STXBP5L: variants seen among roughly 807,000 people sequenced by gnomAD.
STXBP5L encodes the protein syntaxin binding protein 5L.
In STXBP5L, 65 loss-of-function variants were observed where a neutral mutation model predicts 144.5. The observed-to-expected ratio is 0.45, with a 90% confidence interval of 0.37 to 0.55. The LOEUF (loss-of-function observed/expected upper bound fraction) is 0.55. STXBP5L is among the 20% of genes least tolerant of loss of function. STXBP5L has a pLI of 0.00. For synonymous variants in STXBP5L, 505 were observed against 469.6 expected (o/e 1.08, Z -0.97); for missense variants, 1,298 against 1,405.5 (o/e 0.92, Z 1.22).
intron 20 of STXBP5L, among the ~76,000 whole-genome samples, chr3:121,365,261 G>T (rs942278551): frequency 1.3e-5 from 2 of 151,772 alleles, no homozygotes; most frequent in South Asian, 2.1e-4. Context: ...TGGTAACAGG[G>T]TAATGCTGGC....
At chr3:121,351,269 C>A (rs2045269876) in intron 20 of STXBP5L, among the ~76,000 whole-genome samples, 2 of 152,122 alleles carry the variant, frequency 1.3e-5, no homozygotes, top group Admixed American at 1.3e-4. Flanking sequence ...GGCTGCAGAA[C>A]AGCGGATATT....
In STXBP5L at chr3:121,149,776, A is replaced by G. The variant is rs2045863916; in HGVS notation, c.670-2701A>G. 2.0e-5 allele frequency among the ~76,000 whole-genome samples: 3 copies of G among 152,096 alleles called. No homozygotes were observed. The South Asian group carries it at 6.2e-4, about 31-fold the overall frequency. ...TGTGGAAAACTTTCAAACTTCCTAA[A>G]AGATATAAACATATACTCGAATAAA... On this transcript the variant is annotated intron_variant, in intron 7 of 26. Coordinates refer to ENST00000471454, the MANE Select transcript of STXBP5L (RefSeq NM_001308330.2).
chr3:120,992,091 T>G (rs547556751), intron 3 of STXBP5L, among the ~76,000 whole-genome samples: 41 of 152,304 alleles, frequency 2.7e-4, no homozygotes, highest in Non-Finnish European at 3.4e-4. Flanking sequence ...AGAGAACATT[T>G]TTTTGGATCA....
chr3:120,968,905 T>A (rs1489194422), intron 3 of STXBP5L, among the ~76,000 whole-genome samples: 2 of 152,128 alleles, frequency 1.3e-5, no homozygotes, highest in African/African-American at 4.8e-5. Context: ...CTGAGTAGCA[T>A]TTGTATATAT....
chr3:121,080,768 G>C (rs1182207288), intron 5 of STXBP5L, among the ~76,000 whole-genome samples: 1 of 152,158 alleles, frequency 6.6e-6, no homozygotes, highest in African/African-American at 2.4e-5. Flanking sequence ...CAGCTCTTAA[G>C]ATTCTTTTCT....
chr3:121,163,202 A>G (rs1471733714), intron 9 of STXBP5L, among the ~76,000 whole-genome samples: 1 of 152,234 alleles, frequency 6.6e-6, no homozygotes, highest in African/African-American at 2.4e-5. Context: ...CTGGATAAAG[A>G]AAATGTGGCA....
intron 19 of STXBP5L, among the ~76,000 whole-genome samples, chr3:121,308,915 A>T (rs1459709594): frequency 6.6e-6 from 1 of 152,178 alleles, no homozygotes; most frequent in Non-Finnish European, 1.5e-5. Context: ...ACTGGAATTA[A>T]GTCAGTATAC....
At chr3:121,097,606 G>A (rs538650077) in intron 5 of STXBP5L, among the ~76,000 whole-genome samples, 1 of 152,250 alleles carries the variant, frequency 6.6e-6, no homozygotes, top group African/African-American at 2.4e-5. Flanking sequence ...GTGAGGCGAT[G>A]CCCCACCCTG....
chr3:121,365,060 A>C (rs2045825454), intron 20 of STXBP5L, among the ~76,000 whole-genome samples: 1 of 151,888 alleles, frequency 6.6e-6, no homozygotes, highest in Admixed American at 6.6e-5. Context: ...AATATATTGC[A>C]ATGATTAATT....
At chr3:120,988,539 G>C (rs547715168) in intron 3 of STXBP5L, among the ~76,000 whole-genome samples, 1 of 151,908 alleles carries the variant, frequency 6.6e-6, no homozygotes, top group Non-Finnish European at 1.5e-5. Context: ...GGTTTGTCTT[G>C]GGAATACTCT....
chr3:120,914,896 C>T (rs1299764061), intron 2 of STXBP5L, among the ~76,000 whole-genome samples: 1 of 151,982 alleles, frequency 6.6e-6, no homozygotes, highest in East Asian at 1.9e-4. Context: ...AACCAGAAAC[C>T]AAAGCCAGAT....
rs140693939 is a variant in STXBP5L at position 120,940,379 on chromosome 3, C to T, written c.190-14561C>T. ...GAAGCCATGACCATAAAAGATACTGCGAAATGGAATACCAAATTTGAGTTC... is the reference window on the plus strand; with the variant it reads ...GAAGCCATGACCATAAAAGATACTGTGAAATGGAATACCAAATTTGAGTTC... On this transcript the variant is annotated intron_variant, in intron 2 of 26. Transcript: ENST00000471454. Among the ~76,000 whole-genome samples the T allele has an allele frequency of 2.4e-4, 37 of 151,748 alleles. No individual in the cohort carries two copies. In the East Asian group the frequency reaches 4.9e-3, roughly 20 times the overall value.
At chr3:121,072,710 T>C (rs542281261) in intron 5 of STXBP5L, among the ~76,000 whole-genome samples, 17 of 152,346 alleles carry the variant, frequency 1.1e-4, no homozygotes, top group African/African-American at 4.1e-4. Context: ...TTGGCTTCTC[T>C]GTCTGCCTTT....
intron 21 of STXBP5L, 77 bp downstream of exon 21, chr3:121,378,963 TGGAG>T: frequency 4.2e-6 from 6 of 1,417,504 alleles, no homozygotes; most frequent in Non-Finnish European, 5.8e-6. Flanking sequence ...AGATATGGGA[TGGAG>T]ATCACATATG....
chr3:120,970,810 A>T (rs1461265102), intron 3 of STXBP5L, among the ~76,000 whole-genome samples: 33 of 151,516 alleles, frequency 2.2e-4, no homozygotes. Flanking sequence ...GTTTTTTTCC[A>T]TTCTAGGGGA....
chr3:121,324,724 A>AT, intron 20 of STXBP5L: 1 of 526,376 alleles, frequency 1.9e-6, no homozygotes, highest in Non-Finnish European at 3.3e-6. Context: ...ATGAAAACAA[A>AT]TTTTTCTGAA....
intron 3 of STXBP5L, among the ~76,000 whole-genome samples, chr3:121,017,781 A>C (rs1945244305): frequency 1.4e-5 from 2 of 147,890 alleles, no homozygotes; most frequent in East Asian, 3.9e-4. Flanking sequence ...AGAAGATCTA[A>C]ATAAATGGGG....
At chr3:121,008,601 T>C (rs759923516) in intron 3 of STXBP5L, among the ~76,000 whole-genome samples, 49 of 152,014 alleles carry the variant, frequency 3.2e-4, no homozygotes, top group Non-Finnish European at 5.3e-4. Flanking sequence ...CACTTAAAAC[T>C]ATATAGTATC....
At chr3:121,310,690 C>T (rs1030940289) in intron 19 of STXBP5L, among the ~76,000 whole-genome samples, 5 of 151,816 alleles carry the variant, frequency 3.3e-5, no homozygotes, top group Non-Finnish European at 5.9e-5. Flanking sequence ...AGGTAGACCA[C>T]TGGAGGTCAG....
Sources: gnomAD v4.1 joint callset for allele counts (sites outside exome capture counted in the v4.1 genomes callset) on GRCh38, gnomAD v4.1.1 for gene constraint, MANE v1.5 for transcripts, NCBI Gene and HGNC (gene_info 2026-07-23, HGNC 2026-07-21) for gene names.